Variants in MAP3K14 observed in about 807,000 individuals in gnomAD.
MAP3K14 encodes the protein NF-kappa-beta-inducing kinase.
MAP3K14 carries 16 observed loss-of-function variants against 99.2 expected under a neutral mutation model. The observed-to-expected ratio is 0.16, with a 90% CI of 0.11 to 0.24. The LOEUF (loss-of-function observed/expected upper bound fraction) is 0.24, where lower values mean the gene tolerates loss of function less well. MAP3K14 is among the 10% of genes least tolerant of loss of function. The pLI is 1.00. For synonymous variants in MAP3K14, 462 were observed against 492.4 expected, an observed-to-expected ratio of 0.94 and a Z score of 0.82; for missense variants, 784 against 1,208.7, an observed-to-expected ratio of 0.65 and a Z score of 5.21.
intron 1 of MAP3K14, among the ~76,000 whole-genome samples, chr17:45,316,188 C>T (rs761021746): frequency 3.3e-5 from 5 of 152,214 alleles, no homozygotes; most frequent in Non-Finnish European, 5.9e-5. Flanking sequence ...AACTTTTTAA[C>T]CTCGACTAGG....
intron 1 of MAP3K14, among the ~76,000 whole-genome samples, chr17:45,302,191 G>A (rs1170278688): frequency 6.6e-6 from 1 of 151,774 alleles, no homozygotes; most frequent in East Asian, 1.9e-4. Flanking sequence ...TACAGAAGGG[G>A]TGCCATTGAA....
intron 1 of MAP3K14, among the ~76,000 whole-genome samples, chr17:45,305,395 C>T (rs1243054827): frequency 7.7e-6 from 1 of 129,562 alleles, no homozygotes; most frequent in Non-Finnish European, 1.6e-5. Flanking sequence ...AGCGCCCGGC[C>T]GTTTTTTTTT....
intron 1 of MAP3K14, among the ~76,000 whole-genome samples, chr17:45,296,954 G>A (rs1423796207): frequency 6.6e-6 from 1 of 152,182 alleles, no homozygotes; most frequent in Admixed American, 6.5e-5. Context: ...AGCCACTACC[G>A]TCCATAAATG....
chr17:45,280,390 G>A (rs1317355125), intron 6 of MAP3K14, among the ~76,000 whole-genome samples: 4 of 139,516 alleles, frequency 2.9e-5, no homozygotes, highest in Non-Finnish European at 4.5e-5. Context: ...CGCAACCTCC[G>A]CCTCCTGGGT....
intron 6 of MAP3K14, among the ~76,000 whole-genome samples, chr17:45,283,667 A>C (rs1326186580): frequency 5.9e-5 from 9 of 152,118 alleles, no homozygotes; most frequent in African/African-American, 9.7e-5. Context: ...GTGCTCCAAA[A>C]GTTTTGGATT....
intron 14 of MAP3K14, among the ~76,000 whole-genome samples, chr17:45,265,776 T>C (rs1487471794): frequency 2.6e-5 from 4 of 152,226 alleles, no homozygotes; most frequent in African/African-American, 4.8e-5. Context: ...AAATTCAGGC[T>C]GGAACAGCCC....
intron 1 of MAP3K14, among the ~76,000 whole-genome samples, chr17:45,312,933 C>G (rs1197217936): frequency 6.6e-6 from 1 of 152,090 alleles, no homozygotes; most frequent in Non-Finnish European, 1.5e-5. Flanking sequence ...CAGTATTTTC[C>G]CTTTCCTCAC....
At chr17:45,313,529 G>C (rs775200745) in intron 1 of MAP3K14, among the ~76,000 whole-genome samples, 1 of 152,120 alleles carries the variant, frequency 6.6e-6, no homozygotes, top group East Asian at 1.9e-4. Context: ...GGCAGACCTC[G>C]ACCTGACCCA....
intron 1 of MAP3K14, 46 bp from the exon 2 acceptor site, chr17:45,290,811 T>A: frequency 1.3e-6 from 2 of 1,578,244 alleles, no homozygotes; most frequent in Non-Finnish European, 1.7e-6. Flanking sequence ...ATCCCAGACC[T>A]GGGAGAACAC....
chr17:45,296,228 C>G (rs1346666643), intron 1 of MAP3K14, among the ~76,000 whole-genome samples: 1 of 152,166 alleles, frequency 6.6e-6, no homozygotes, highest in Non-Finnish European at 1.5e-5. Context: ...TCTGCCTACT[C>G]AAAGTGCGGG....
In MAP3K14 at chr17:45,283,880, G is replaced by A. The variant is rs11574825; in HGVS notation, c.1290+932C>T. ...CCTGGTGCTGGCTTTGAGGCCGAGA[G>A]CTTTGACTGGGGACAAGGTGGCTTC... On this transcript the variant is annotated intron_variant, in intron 6 of 15. Transcript: ENST00000344686. Among the ~76,000 whole-genome samples the A allele has an allele frequency of 7.7e-3, 1,177 of 152,320 alleles. 15 individuals carry two copies. Among genetic ancestry groups the A allele is most frequent in the Middle Eastern group, 0.054 (16 of 294 alleles).
intron 10 of MAP3K14, 102 bp downstream of exon 10, chr17:45,270,956 C>G: frequency 6.9e-7 from 1 of 1,456,418 alleles, no homozygotes; most frequent in South Asian, 1.2e-5. Flanking sequence ...CCAGGCCTCC[C>G]CTTGCTCCAT....
Position 45,290,656 on chromosome 17 carries a change from C to G in MAP3K14, c.90G>C (p.Pro30=). Residue 30 remains proline, a synonymous_variant, in exon 2 of 16, where the codon CCG becomes CCC. Transcript: ENST00000344686. ...KELPKAKEKT[P]PLGKKQSSVY... ...CGGAGCTCTGTTTCTTCCCCAGTGG[C>G]GGCGTCTTCTCCTTGGCTTTGGGGA... 1 of 1,613,440 alleles carries G rather than the reference C, an allele frequency of 6.2e-7. No individual in the cohort carries two copies.
In MAP3K14 at chr17:45,286,143, C is replaced by T. The variant is rs1392268456; in HGVS notation, c.1152+288G>A. ...GTCTCTGGGGGCCATGATAACATCT[C>T]CAGTGGCTCCTGGCTGATTCCCCTT... On this transcript the variant is annotated intron_variant, in intron 5 of 15. Transcript: ENST00000344686. The surrounding 1 kb of genome is among the most constrained non-coding windows in gnomAD (Gnocchi z 4.1). Among the ~76,000 whole-genome samples the T allele has an allele frequency of 6.6e-6, 1 of 152,120 alleles. No individual in the cohort carries two copies. The highest frequency in any genetic ancestry group is 2.4e-5 in the African/African-American group (1 of 41,426).
chr17:45,276,490 G>A (rs1220286237), intron 6 of MAP3K14, among the ~76,000 whole-genome samples: 3 of 151,978 alleles, frequency 2.0e-5, no homozygotes, highest in Non-Finnish European at 2.9e-5. Flanking sequence ...TCACATCAGA[G>A]AAGCTGATAC....
rs573439657 is a variant in MAP3K14, at chr17:45,286,836, G to C, written c.747C>G (p.Gly249=). 51 of 1,613,792 alleles carry C rather than the reference G, an allele frequency of 3.2e-5. 1 individual carries two copies. In the South Asian group the frequency reaches 3.3e-4, roughly 10 times the overall value. The change falls in exon 5 of 16, where the codon GGC becomes GGG. Residue 249 remains glycine (G), a synonymous_variant. Transcript: ENST00000344686. This position sits in a 1 kb window ranked among gnomAD's most constrained non-coding sequence, Gnocchi z 4.1. The stretch of plus-strand genomic sequence containing the variant: ...AGGGGTGCGTGGGCAGGGGCAGGGG[G>C]CCTCCGTCCTGGGGGTGGTGCAGTT... ...VWKLHHPQDG[G]PLPLPTHPFP...
intron 2 of MAP3K14, among the ~76,000 whole-genome samples, chr17:45,289,894 A>G (rs2044296979): frequency 6.6e-6 from 1 of 152,180 alleles, no homozygotes; most frequent in South Asian, 2.1e-4. Flanking sequence ...TTGGAGAGAG[A>G]GGACTCCCGG....
chr17:45,287,331 A>G lies in MAP3K14; in HGVS notation c.360T>C (p.Asn120=). Residue 120 remains asparagine (N), a synonymous_variant, in exon 4 of 16, where the codon AAT becomes AAC. Coordinates refer to ENST00000344686, the MANE Select transcript of MAP3K14 (RefSeq NM_003954.5). ...TTTTGCCCTCTGTAGCATGGGCCAC[A>G]TTGTTGGGGATCTGATCAAGACTCT... The part of the protein sequence containing the change: ...QSESLDQIPN[N]VAHATEGKMA... 3 of 1,613,898 alleles carry G rather than the reference A, an allele frequency of 1.9e-6. No homozygotes were observed. The highest frequency in any genetic ancestry group is 2.5e-6 in the Non-Finnish European group (3 of 1,179,878).
intron 2 of MAP3K14, among the ~76,000 whole-genome samples, chr17:45,290,279 G>A (rs939377773): frequency 1.5e-4 from 23 of 152,138 alleles, no homozygotes; most frequent in African/African-American, 5.6e-4. Context: ...CAGTCACGAT[G>A]GGCACAGTCT....
Sources: allele counts gnomAD v4.1 joint callset (sites outside exome capture counted in the v4.1 genomes callset), GRCh38; gene constraint gnomAD v4.1.1; non-coding constraint Gnocchi (gnomAD v3.1); transcripts MANE v1.5; gene names NCBI Gene and HGNC (gene_info 2026-07-23, HGNC 2026-07-21).